SLC29A4: variants seen among roughly 807,000 people sequenced by gnomAD.
The protein encoded by SLC29A4 is solute carrier family 29 member 4.
In SLC29A4, 36 loss-of-function variants were observed where a neutral mutation model predicts 43.9. The observed-to-expected ratio is 0.82, with a 90% CI of 0.63 to 1.08. The LOEUF (loss-of-function observed/expected upper bound fraction) is 1.08. Ranked by LOEUF, SLC29A4 falls within the 50% of genes least tolerant of loss-of-function variation. The pLI is 0.00. For synonymous variants in SLC29A4, 491 were observed against 338.0 expected, an observed-to-expected ratio of 1.45 and a Z score of -4.97; for missense variants, 869 against 755.3, an observed-to-expected ratio of 1.15 and a Z score of -1.77.
At chr7:5,299,199 C>A in intron 8 of SLC29A4, 41 bp from the exon 9 acceptor site, 2 of 1,598,914 alleles carry the variant, frequency 1.3e-6, no homozygotes, top group Non-Finnish European at 1.7e-6. Context: ...GGCAGGGGTC[C>A]CCGTGGGCGC....
At chr7:5,302,723 C>T (rs1786254984) in intron 10 of SLC29A4, 74 bp from the exon 11 acceptor site, 4 of 1,452,784 alleles carry the variant, frequency 2.8e-6, no homozygotes, top group South Asian at 1.3e-5. Flanking sequence ...TGTCACCGCA[C>T]CTCACACCCG....
chr7:5,294,774 C>A, intron 5 of SLC29A4, 86 bp from the exon 6 acceptor site: 1 of 1,390,028 alleles, frequency 7.2e-7, no homozygotes, highest in Non-Finnish European at 1.0e-6. Context: ...GCACCCTCGT[C>A]CACCAACACA....
In SLC29A4 at chr7:5,306,690, A is replaced by C. The variant is rs966776716; in HGVS notation, c.*3751A>C. On this transcript the variant is annotated 3_prime_UTR_variant, in exon 11 of 11. Coordinates refer to ENST00000396872, the MANE Select transcript of SLC29A4 (RefSeq NM_153247.4). The stretch of plus-strand genomic sequence containing the variant: ...ACCGCCCCTGCACGCGTGGCACCCA[A>C]CTTCTTCCAGTCGAATCCTGCTTCT... 3 of 151,984 alleles carry C rather than the reference A, an allele frequency of 2.0e-5. No individual in the cohort carries two copies. Among genetic ancestry groups the C allele is most frequent in the African/African-American group, 7.2e-5 (3 of 41,388 alleles). 9.4% of individuals were successfully genotyped at this position (151,984 alleles called of 1,614,324 possible).
At chr7:5,283,654 A>G (rs1784790601) in intron 1 of SLC29A4, among the ~76,000 whole-genome samples, 1 of 152,198 alleles carries the variant, frequency 6.6e-6, no homozygotes, top group Non-Finnish European at 1.5e-5. Flanking sequence ...GGGGGGCTGC[A>G]GAAAGGGGGT....
rs374777740 is a variant in SLC29A4, at chr7:5,302,967, C to G, written c.*28C>G. 3.8e-6 allele frequency: 6 copies of G among 1,595,446 alleles called. No homozygotes were observed. The highest frequency in any genetic ancestry group is 5.1e-6 in the Non-Finnish European group (6 of 1,172,906). On this transcript the variant is annotated 3_prime_UTR_variant, in exon 11 of 11. Transcript: ENST00000396872. Reference sequence around the variant, plus strand: ...CAGCCCCGCCCACTGCCAGGGACGCCGAGGGCCTGACCAGGGGCCCCGAGG... The same window carrying G: ...CAGCCCCGCCCACTGCCAGGGACGCGGAGGGCCTGACCAGGGGCCCCGAGG...
chr7:5,294,542 G>A (rs1020472477), intron 5 of SLC29A4, among the ~76,000 whole-genome samples: 12 of 152,186 alleles, frequency 7.9e-5, no homozygotes, highest in Admixed American at 4.6e-4. Flanking sequence ...TCCCCACCCC[G>A]TAACACATGG....
Position 5,304,306 on chromosome 7 carries a change from C to CCG in SLC29A4, c.*1368_*1369insGC, listed in dbSNP as rs1005524072. The CCG allele has an allele frequency of 2.0e-5, 3 of 149,472 alleles. No homozygotes were observed. The highest frequency in any genetic ancestry group is 2.1e-4 in the South Asian group (1 of 4,662). 9.3% of individuals were successfully genotyped at this position (149,472 alleles called of 1,614,324 possible). A position where few individuals can be genotyped will look rare whatever the true frequency, so the allele number is the denominator to read the frequency against. ...GTCGCTCACCTTGACCGCCCGCCCC[C>CCG]CCCACCCCTTCGTGAGGATCAGGGA... is the stretch of plus-strand genomic sequence containing the variant. On this transcript the variant is annotated 3_prime_UTR_variant, in exon 11 of 11. Coordinates refer to ENST00000396872, the MANE Select transcript of SLC29A4 (RefSeq NM_153247.4).
chr7:5,288,924 G>A (rs1002985285), intron 2 of SLC29A4, among the ~76,000 whole-genome samples: 21 of 152,300 alleles, frequency 1.4e-4, no homozygotes, highest in African/African-American at 4.1e-4. Flanking sequence ...GGTCAAGTCA[G>A]TGTTGTTCTG....
At position 5,300,651 on chromosome 7, in the gene SLC29A4, G is replaced by A. The variant is rs766941523; in HGVS notation, c.1439G>A (p.Arg480Gln). Residue 480 changes from arginine to glutamine, a missense_variant, in exon 10 of 11, where the codon CGG (arginine) becomes CAG (glutamine). Arg to Gln is a conservative substitution (Grantham distance 43). Transcript: ENST00000396872. ...LAAGKVSPKQ[R>Q]ELAGNTMTVS... ...GCAGGCAAAGTGAGCCCCAAGCAGC[G>A]GGAGCTGGCAGGTGAGGCCCGCGGG... The A allele has an allele frequency of 8.7e-6, 14 of 1,608,478 alleles. No individual in the cohort carries two copies. Among genetic ancestry groups the A allele is most frequent in the South Asian group, 3.3e-5 (3 of 90,822 alleles).
At chr7:5,290,673 G>A in intron 2 of SLC29A4, 59 bp from the exon 3 acceptor site, 1 of 1,562,426 alleles carries the variant, frequency 6.4e-7, no homozygotes, top group South Asian at 1.2e-5. Context: ...ATCGCCCTGT[G>A]CGGTGACTGT....
intron 3 of SLC29A4, 21 bp downstream of exon 3, chr7:5,290,884 G>A (rs780052080): frequency 2.6e-5 from 41 of 1,593,160 alleles, no homozygotes; most frequent in East Asian, 4.5e-5. Flanking sequence ...CCACGGTCAC[G>A]CCCAGCCACT....
intron 7 of SLC29A4, among the ~76,000 whole-genome samples, 159 bp downstream of exon 7, chr7:5,297,357 G>A (rs895781504): frequency 1.3e-5 from 2 of 152,214 alleles, no homozygotes; most frequent in African/African-American, 4.8e-5. Context: ...TTTATTCTGT[G>A]TACTCTTACT....
In SLC29A4 at chr7:5,303,150, G is replaced by C. The variant is rs1180248559; in HGVS notation, c.*211G>C. 5 of 625,720 alleles carry C rather than the reference G, an allele frequency of 8.0e-6. No homozygotes were observed. Among genetic ancestry groups the C allele is most frequent in the Non-Finnish European group, 8.3e-6 (3 of 361,900 alleles). 38.8% of individuals were successfully genotyped at this position (625,720 alleles called of 1,614,324 possible). On this transcript the variant is annotated 3_prime_UTR_variant, in exon 11 of 11. Coordinates refer to ENST00000396872, the MANE Select transcript of SLC29A4 (RefSeq NM_153247.4). ...ACCGGAACACGTTTCTGCGACCCGG[G>C]GCTCTGGCCAGCACTGTGTTCTGCG...
At position 5,291,082 on chromosome 7, in the gene SLC29A4, G is replaced by C. The variant is rs371054725; in HGVS notation, c.302-42G>C. The C allele has an allele frequency of 1.6e-5, 26 of 1,602,232 alleles. No homozygotes were observed. The African/African-American group carries it at 3.3e-4, about 21-fold the overall frequency. On this transcript the variant is annotated intron_variant, in intron 3 of 10. Transcript: ENST00000396872. ...CACCTGGCAGGAGTCAGTGCAGGGG[G>C]TGGGGCCTCCCTGAGCACCTGCTGT...
At chr7:5,299,728 C>G (rs1785997992) in intron 9 of SLC29A4, among the ~76,000 whole-genome samples, 1 of 152,198 alleles carries the variant, frequency 6.6e-6, no homozygotes, top group Non-Finnish European at 1.5e-5. Flanking sequence ...CCAGAGGGGA[C>G]TCAGAGAAGG....
intron 6 of SLC29A4, among the ~76,000 whole-genome samples, chr7:5,295,645 GC>G (rs939625322): frequency 6.6e-6 from 1 of 152,190 alleles, no homozygotes; most frequent in African/African-American, 2.4e-5. Context: ...GGTCAGTGCT[GC>G]CCAGGCAGGA....
rs562083608 is a variant in SLC29A4, at chr7:5,303,189, C to G, written c.*250C>G. The G allele has an allele frequency of 1.8e-6, 1 of 570,652 alleles. No homozygotes were observed. Among genetic ancestry groups the G allele is most frequent in the East Asian group, 3.0e-5 (1 of 33,812 alleles). The allele number at this position is 570,652 out of a possible 1,614,324, so 35.3% of individuals were successfully genotyped here. A position where few individuals can be genotyped will look rare whatever the true frequency, so the allele number is the denominator to read the frequency against. On this transcript the variant is annotated 3_prime_UTR_variant, in exon 11 of 11. Coordinates refer to ENST00000396872, the MANE Select transcript of SLC29A4 (RefSeq NM_153247.4). ...CTGTGTTCTGCGTTTGGTCTCATACCTGCGTCTACCTTCCATCTGTGTCCA... is the reference window on the plus strand; with the variant it reads ...CTGTGTTCTGCGTTTGGTCTCATACGTGCGTCTACCTTCCATCTGTGTCCA...
chr7:5,283,164 GCCCCCTCCCGCC>G (rs912872361), intron 1 of SLC29A4, 82 bp downstream of exon 1: 3 of 133,288 alleles, frequency 2.3e-5, no homozygotes, highest in African/African-American at 5.3e-5. Flanking sequence ...GGCTTCCCCC[GCCCCCTCCCGCC>G]CGCCCGGGCG....
intron 9 of SLC29A4, among the ~76,000 whole-genome samples, chr7:5,299,763 A>G (rs1046899598): frequency 6.6e-6 from 1 of 152,230 alleles, no homozygotes; most frequent in African/African-American, 2.4e-5. Flanking sequence ...AATGGCTCAA[A>G]GAAATGGCCA....
Sources: gnomAD v4.1 joint callset for allele counts (sites outside exome capture counted in the v4.1 genomes callset) on GRCh38, gnomAD v4.1.1 for gene constraint, MANE v1.5 for transcripts, NCBI Gene and HGNC (gene_info 2026-07-23, HGNC 2026-07-21) for gene names.